Variants in C11orf65 observed in about 807,000 individuals in gnomAD.
The protein encoded by C11orf65 is chromosome 11 open reading frame 65, also known as protein MFI.
C11orf65 carries 38 observed loss-of-function variants against 35.3 expected under a neutral mutation model. That is an observed-to-expected ratio of 1.08 (90% CI 0.83 to 1.41). The LOEUF (loss-of-function observed/expected upper bound fraction) is 1.41, where lower values mean the gene tolerates loss of function less well. Ranked by LOEUF, C11orf65 falls within the 40% of genes most tolerant of loss-of-function variation. The pLI is 0.00. For missense variants in C11orf65, 370 were observed against 367.1 expected (o/e 1.01, Z -0.06); for synonymous variants, 105 against 114.4 (o/e 0.92, Z 0.53).
chr11:108,380,877 A>C (rs1427554365), downstream of C11orf65, among the ~76,000 whole-genome samples: 1 of 152,176 alleles, frequency 6.6e-6, no homozygotes, highest in African/African-American at 2.4e-5. Flanking sequence ...CAGAACCACT[A>C]TCTAAGGACC....
At chr11:108,465,172 T>C (rs949801359) in intron 1 of C11orf65, among the ~76,000 whole-genome samples, 4 of 152,334 alleles carry the variant, frequency 2.6e-5, no homozygotes, top group Admixed American at 2.6e-4. Flanking sequence ...AATTTAACAC[T>C]GGATCTTAAA....
intron 2 of C11orf65, among the ~76,000 whole-genome samples, chr11:108,374,428 C>T (rs1056242874): frequency 3.9e-5 from 6 of 152,222 alleles, no homozygotes; most frequent in Admixed American, 2.6e-4. Context: ...GCTGAGGGTC[C>T]TGTCTGTTAG....
chr11:108,361,630 T>C (rs7113443), intron 2 of C11orf65, among the ~76,000 whole-genome samples: 50,042 of 149,830 alleles, frequency 0.33, 9,301 homozygotes, highest in East Asian at 0.54. Flanking sequence ...ACAGAGCCCT[T>C]AGAAATAACG....
Position 108,331,428 on chromosome 11 carries a change from T to G in C11orf65, c.*122A>C. On this transcript the variant is annotated 3_prime_UTR_variant, in exon 4 of 4. Transcript: ENST00000524755. Reference sequence around the variant, plus strand: ...ATACCTTGTTTCTTAATTTTGTGTCTTTTTTTTAATGGTAGAGAGACGGAA... The same window carrying G: ...ATACCTTGTTTCTTAATTTTGTGTCGTTTTTTTAATGGTAGAGAGACGGAA... 6.3e-7 allele frequency: 1 copy of G among 1,594,798 alleles called. No homozygotes were observed. The highest frequency in any genetic ancestry group is 8.5e-7 in the Non-Finnish European group (1 of 1,169,710).
At chr11:108,459,771 C>T (rs924458918) in intron 2 of C11orf65, among the ~76,000 whole-genome samples, 1 of 92,616 alleles carries the variant, frequency 1.1e-5, no homozygotes, top group Non-Finnish European at 2.6e-5. Context: ...ACACACACAC[C>T]TCTTTATTTA....
downstream of C11orf65, among the ~76,000 whole-genome samples, chr11:108,379,778 G>T (rs2091826718): frequency 6.6e-6 from 1 of 152,026 alleles, no homozygotes; most frequent in Non-Finnish European, 1.5e-5. Flanking sequence ...AAGGTGAAGG[G>T]AGCACAGGCC....
At chr11:108,331,630 T>TA in intron 3 of C11orf65, 1 of 1,429,542 alleles carries the variant, frequency 7.0e-7, no homozygotes, top group Non-Finnish European at 9.3e-7. Context: ...ATAAAGTATA[T>TA]ATACCATTCC....
chr11:108,327,883 G>A (rs1288484013), downstream of C11orf65: 1 of 828,960 alleles, frequency 1.2e-6, no homozygotes, highest in Admixed American at 2.1e-5. Flanking sequence ...TATTATTACT[G>A]TTGTAGCTCT....
chr11:108,412,892 A>T (rs1188912088), intron 3 of C11orf65, among the ~76,000 whole-genome samples: 2 of 152,228 alleles, frequency 1.3e-5, no homozygotes, highest in Non-Finnish European at 2.9e-5. Context: ...TAATGTATGT[A>T]CTTAACAACA....
intron 2 of C11orf65, among the ~76,000 whole-genome samples, chr11:108,450,177 T>G (rs560069973): frequency 6.6e-6 from 1 of 152,096 alleles, no homozygotes; most frequent in South Asian, 2.1e-4. Context: ...ACTTTTACAC[T>G]GTTGGTGGGA....
chr11:108,468,654 A>G (rs2093560735), upstream of C11orf65, among the ~76,000 whole-genome samples: 1 of 152,212 alleles, frequency 6.6e-6, no homozygotes, highest in Non-Finnish European at 1.5e-5. Context: ...CTTTAAAATC[A>G]TCACAATCAT....
At chr11:108,354,527 A>G (rs2089644754) in intron 2 of C11orf65, among the ~76,000 whole-genome samples, 2 of 152,254 alleles carry the variant, frequency 1.3e-5, no homozygotes, top group African/African-American at 4.8e-5. Context: ...AATTGCCACA[A>G]TAATCAAAGA....
intron 3 of C11orf65, among the ~76,000 whole-genome samples, chr11:108,413,099 T>C (rs2092683958): frequency 6.6e-6 from 1 of 152,232 alleles, no homozygotes. Flanking sequence ...AAAACACTTC[T>C]TCGAACAACA....
In C11orf65 at chr11:108,431,760, T is replaced by C. The variant is rs1015608574; in HGVS notation, c.160A>G (p.Ile54Val). The C allele has an allele frequency of 2.0e-6, 3 of 1,495,224 alleles. No individual in the cohort carries two copies. Among genetic ancestry groups the C allele is most frequent in the East Asian group, 2.3e-5 (1 of 43,034 alleles). 92.6% of individuals were successfully genotyped at this position (1,495,224 alleles called of 1,614,324 possible). The change falls in exon 3 of 9, where the codon ATT becomes GTT. Residue 54 changes from isoleucine (I) to valine (V), a missense_variant. Transcript: ENST00000393084. ...QGEPRQIVKYINPKEAELLDA... is the reference protein window; with the variant it reads ...QGEPRQIVKYVNPKEAELLDA... ...AATGTCCTTACCTCTTTGGGATTAA[T>C]ATATTTCACTATCTGACGTGGTTCT... is the stretch of plus-strand genomic sequence containing the variant.
rs147695170 is a variant in C11orf65 at position 108,365,196 on chromosome 11, C to G, written c.226+28012G>C. On this transcript the variant is annotated intron_variant, in intron 2 of 3. Transcript: ENST00000524755. The stretch of plus-strand genomic sequence containing the variant: ...TCACCCTACTCTGAATGCAGATGAC[C>G]AAGAATGCAAACGAAATCTCAGGTG... The G allele has an allele frequency of 1.1e-5, 18 of 1,614,030 alleles. No homozygotes were observed. Among genetic ancestry groups the G allele is most frequent in the Non-Finnish European group, 1.4e-5 (17 of 1,180,030 alleles).
At chr11:108,329,414 T>TG (rs1326530022), downstream of C11orf65, 439 of 507,572 alleles carry the variant, frequency 8.6e-4, no homozygotes, top group Middle Eastern at 3.8e-3. Context: ...TTGTTTTTTG[T>TG]TTTTTTTTTT....
intron 2 of C11orf65, chr11:108,367,640 A>T (rs2091403775): frequency 4.8e-6 from 1 of 209,706 alleles, no homozygotes; most frequent in Non-Finnish European, 9.7e-6. Flanking sequence ...GGTTATATAA[A>T]TTTTTTTCTT....
intron 2 of C11orf65, among the ~76,000 whole-genome samples, chr11:108,339,956 G>GA (rs1194795342): frequency 6.6e-6 from 1 of 152,130 alleles, no homozygotes. Context: ...CAATAAATGT[G>GA]AATTTATATA....
In C11orf65 at chr11:108,310,221, G is replaced by T. The variant is rs1286443989; in HGVS notation, c.641-1150C>A. 3 of 1,613,466 alleles carry T rather than the reference G, an allele frequency of 1.9e-6. No homozygotes were observed. In the Admixed American group the frequency reaches 5.0e-5, roughly 27 times the overall value. Reference sequence around the variant, plus strand: ...GCTGGATTTAAATTATCTAGAAGTTGCCAAGGTAGCTCAGTCTTGTGCTGC... The same window carrying T: ...GCTGGATTTAAATTATCTAGAAGTTTCCAAGGTAGCTCAGTCTTGTGCTGC... On this transcript the variant is annotated intron_variant, in intron 6 of 6. Coordinates refer to the C11orf65 transcript ENST00000525729.
Sources: gnomAD v4.1 joint callset for allele counts (sites outside exome capture counted in the v4.1 genomes callset) on GRCh38, gnomAD v4.1.1 for gene constraint, MANE v1.5 for transcripts, NCBI Gene and HGNC (gene_info 2026-07-23, HGNC 2026-07-21) for gene names.